GDAP1L1: variants seen among roughly 807,000 people sequenced by gnomAD.
GDAP1L1 encodes the protein ganglioside induced differentiation associated protein 1 like 1, also known as ganglioside-induced differentiation-associated protein 1-like 1.
GDAP1L1 carries 21 observed loss-of-function variants against 37.1 expected under a neutral mutation model. That is an observed-to-expected ratio of 0.57 (90% CI 0.40 to 0.81). The LOEUF (loss-of-function observed/expected upper bound fraction) is 0.81. Among genes scored for constraint, GDAP1L1 ranks in the 40% least tolerant of loss-of-function variants. The probability of loss-of-function intolerance (pLI) is 0.00; values close to 1 mark genes in which losing one functional copy is unlikely to be tolerated. For synonymous variants in GDAP1L1, 193 were observed against 209.1 expected, an observed-to-expected ratio of 0.92 and a Z score of 0.67; for missense variants, 362 against 491.6, an observed-to-expected ratio of 0.74 and a Z score of 2.49.
chr20:44,278,922 G>A (rs777782086), intron 5 of GDAP1L1, 35 bp from the exon 6 acceptor site: 3 of 1,400,314 alleles, frequency 2.1e-6, no homozygotes, highest in Admixed American at 3.5e-5. Flanking sequence ...GTTAGGGGAG[G>A]CTGATCCCCT....
intron 1 of GDAP1L1, among the ~76,000 whole-genome samples, chr20:44,256,884 C>T (rs1461122715): frequency 2.0e-5 from 3 of 152,152 alleles, no homozygotes; most frequent in Non-Finnish European, 4.4e-5. Flanking sequence ...GAATCCTATC[C>T]CAGATGTGTC....
intron 1 of GDAP1L1, among the ~76,000 whole-genome samples, chr20:44,250,053 G>A (rs1371685056): frequency 6.6e-6 from 1 of 152,190 alleles, no homozygotes; most frequent in Non-Finnish European, 1.5e-5. Context: ...ATCCTGAAGG[G>A]CCTTAATTAT....
At chr20:44,278,915 AG>A in intron 5 of GDAP1L1, 41 bp from the exon 6 acceptor site, 1 of 1,298,938 alleles carries the variant, frequency 7.7e-7, no homozygotes, top group Non-Finnish European at 1.1e-6. Flanking sequence ...TGTGTGTGTT[AG>A]GGGAGGCTGA....
At position 44,280,080 on chromosome 20, in the gene GDAP1L1, C is replaced by T. The variant is rs2062625640; in HGVS notation, c.*780C>T. 3 of 318,346 alleles carry T rather than the reference C, an allele frequency of 9.4e-6. No homozygotes were observed. Among genetic ancestry groups the T allele is most frequent in the South Asian group, 5.6e-5 (2 of 35,982 alleles). 19.7% of individuals were successfully genotyped at this position (318,346 alleles called of 1,614,324 possible). A position where few individuals can be genotyped will look rare whatever the true frequency, so the allele number is the denominator to read the frequency against. On this transcript the variant is annotated 3_prime_UTR_variant, in exon 6 of 6. Coordinates refer to ENST00000342560, the MANE Select transcript of GDAP1L1 (RefSeq NM_024034.6). ...CCATGTTGACCCTCTCTCAGAAGGTCAGTCCAGCCCAAGTGCAGGGGCGGA... is the reference window on the plus strand; with the variant it reads ...CCATGTTGACCCTCTCTCAGAAGGTTAGTCCAGCCCAAGTGCAGGGGCGGA...
chr20:44,264,946 C>A, intron 5 of GDAP1L1: 1 of 985,220 alleles, frequency 1.0e-6, no homozygotes, highest in Non-Finnish European at 1.2e-6. Context: ...TGGTTAGGGC[C>A]AGAACTTGTT....
chr20:44,260,953 AG>A (rs2073663041), intron 3 of GDAP1L1, among the ~76,000 whole-genome samples: 1 of 152,200 alleles, frequency 6.6e-6, no homozygotes, highest in South Asian at 2.1e-4. Flanking sequence ...GGCTGTTGGT[AG>A]GCAGGGTCCT....
At chr20:44,252,950 G>A (rs941038148) in intron 1 of GDAP1L1, among the ~76,000 whole-genome samples, 1 of 152,116 alleles carries the variant, frequency 6.6e-6, no homozygotes, top group Non-Finnish European at 1.5e-5. Flanking sequence ...CATGCTTAGA[G>A]CCTTAGCACT....
At chr20:44,251,081 T>C (rs2073432657) in intron 1 of GDAP1L1, among the ~76,000 whole-genome samples, 2 of 152,210 alleles carry the variant, frequency 1.3e-5, no homozygotes, top group South Asian at 4.1e-4. Context: ...TTCCTAGCTG[T>C]GTGACTGGGC....
chr20:44,264,954 G>A (rs1231646074), intron 5 of GDAP1L1: 1 of 985,230 alleles, frequency 1.0e-6, no homozygotes, highest in Non-Finnish European at 1.2e-6. Flanking sequence ...GCCAGAACTT[G>A]TTCCCTCTCG....
rs1262107526 is a variant in GDAP1L1 at position 44,279,897 on chromosome 20, G to A, written c.*597G>A. ...GGCAGTGGCACCCAAAAACCAGGCT[G>A]CAGTGGGGACGGATACCATGAGCAC... On this transcript the variant is annotated 3_prime_UTR_variant, in exon 6 of 6. Transcript: ENST00000342560. 8 of 419,128 alleles carry A rather than the reference G, an allele frequency of 1.9e-5. No homozygotes were observed. In the Admixed American group the frequency reaches 2.3e-4, roughly 12 times the overall value. 26.0% of individuals were successfully genotyped at this position (419,128 alleles called of 1,614,324 possible). A position where few individuals can be genotyped will look rare whatever the true frequency, so the allele number is the denominator to read the frequency against.
chr20:44,254,465 G>A (rs1269855112), intron 1 of GDAP1L1, among the ~76,000 whole-genome samples: 4 of 152,216 alleles, frequency 2.6e-5, no homozygotes, highest in Non-Finnish European at 2.9e-5. Context: ...TCCCACTGCC[G>A]AGGAGGGAAG....
intron 1 of GDAP1L1, among the ~76,000 whole-genome samples, chr20:44,251,089 G>A (rs2145985803): frequency 6.6e-6 from 1 of 152,164 alleles, no homozygotes; most frequent in South Asian, 2.1e-4. Flanking sequence ...TGTGTGACTG[G>A]GCAAGTTACT....
Position 44,279,131 on chromosome 20 carries a change from G to A in GDAP1L1, c.935G>A (p.Arg312Gln), listed in dbSNP as rs200977687. The A allele has an allele frequency of 1.4e-4, 222 of 1,613,988 alleles. No individual in the cohort carries two copies. The highest frequency in any genetic ancestry group is 1.6e-4 in the Non-Finnish European group (185 of 1,180,016). ...FERVQRRFAF[R>Q]KVLGDIHTTL... ...AGGGTCCAGAGACGCTTTGCCTTCC[G>A]GAAAGTCCTGGGTGACATCCACACC... Residue 312 changes from arginine (R) to glutamine (Q), a missense_variant, in exon 6 of 6, where the codon CGG (arginine) becomes CAG (glutamine). Transcript: ENST00000342560.
intron 5 of GDAP1L1, among the ~76,000 whole-genome samples, chr20:44,267,305 T>C (rs543915638): frequency 2.3e-4 from 35 of 152,272 alleles, no homozygotes; most frequent in African/African-American, 8.4e-4. Context: ...CTGGGCTCTT[T>C]CCTGTTCTAT....
At chr20:44,269,839 G>A (rs982517042) in intron 5 of GDAP1L1, among the ~76,000 whole-genome samples, 2 of 152,180 alleles carry the variant, frequency 1.3e-5, no homozygotes, top group Non-Finnish European at 2.9e-5. Context: ...GCTGAGGCAG[G>A]CGAATGGCTT....
rs1415654309 is a variant in GDAP1L1 at position 44,248,104 on chromosome 20, C to T, written c.180+590C>T. On this transcript the variant is annotated intron_variant, in intron 1 of 5. Transcript: ENST00000342560. ...GCTGAGAAGGAAGGAGTTAAACCAT[C>T]CCCTCACACCAGCTCGGCTCAGCCC... 5.3e-5 allele frequency among the ~76,000 whole-genome samples: 8 copies of T among 152,214 alleles called. No homozygotes were observed. The East Asian group carries it at 7.7e-4, about 15-fold the overall frequency.
At chr20:44,277,421 T>C (rs1458629833) in intron 5 of GDAP1L1, among the ~76,000 whole-genome samples, 2 of 152,154 alleles carry the variant, frequency 1.3e-5, no homozygotes, top group African/African-American at 4.8e-5. Flanking sequence ...GGTAGGAATG[T>C]CCCTGATGTG....
At chr20:44,267,997 C>T (rs2062473872) in intron 5 of GDAP1L1, among the ~76,000 whole-genome samples, 1 of 152,154 alleles carries the variant, frequency 6.6e-6, no homozygotes, top group African/African-American at 2.4e-5. Context: ...TAGCAGAAGC[C>T]CCAGGGAAGT....
intron 1 of GDAP1L1, among the ~76,000 whole-genome samples, chr20:44,250,038 C>T (rs1409499571): frequency 6.6e-6 from 1 of 152,218 alleles, no homozygotes; most frequent in Non-Finnish European, 1.5e-5. Flanking sequence ...TCTTCCTTCT[C>T]TCCAATCCTG....
Sources: gnomAD v4.1 joint callset for allele counts (sites outside exome capture counted in the v4.1 genomes callset) on GRCh38, gnomAD v4.1.1 for gene constraint, MANE v1.5 for transcripts, NCBI Gene and HGNC (gene_info 2026-07-23, HGNC 2026-07-21) for gene names.